DPP10: variants seen among roughly 807,000 people sequenced by gnomAD.
DPP10 encodes the protein dipeptidyl peptidase like 10.
A neutral mutation model predicts 120.9 loss-of-function variants in DPP10; 33 were observed. That is an observed-to-expected ratio of 0.27 (90% CI 0.21 to 0.37). The LOEUF (loss-of-function observed/expected upper bound fraction) is 0.37, where lower values mean the gene tolerates loss of function less well. Ranked by LOEUF, DPP10 falls within the 10% of genes least tolerant of loss-of-function variation. DPP10 has a pLI of 1.00. For missense variants in DPP10, 816 were observed against 942.8 expected (o/e 0.87, Z 1.76); for synonymous variants, 337 against 326.1 (o/e 1.03, Z -0.36).
intron 1 of DPP10, among the ~76,000 whole-genome samples, chr2:115,002,036 A>G (rs1194191085): frequency 6.6e-6 from 1 of 152,216 alleles, no homozygotes; most frequent in East Asian, 1.9e-4. Context: ...AAACTATTTT[A>G]AAATTCATAT....
chr2:114,866,116 T>TAAATAAATAAATAAATAAAA (rs1345366592), intron 1 of DPP10, among the ~76,000 whole-genome samples: 1 of 140,216 alleles, frequency 7.1e-6, no homozygotes, highest in African/African-American at 3.0e-5. Context: ...GTCTCAAAAA[T>TAAATAAATAAATAAATAAAA]AAATAAATAA....
In DPP10 at chr2:115,727,919, C is replaced by G. The variant is rs765864216; in HGVS notation, c.680C>G (p.Ala227Gly). Residue 227 changes from alanine to glycine, a missense_variant, in exon 8 of 26, where the codon GCT becomes GGT. By Grantham distance (60) the Ala-to-Gly change is moderately conservative. This residue lies in a region of DPP10 where 42 missense variants were observed against 86.4 expected (regional missense o/e 0.49). Transcript: ENST00000410059. ...GKEEIIFNGI[A>G]DWLYEEELLH... ...GAAGAAATAATTTTTAATGGGATTG[C>G]TGACTGGTTATATGAAGGTGAGTTG... is the stretch of plus-strand genomic sequence containing the variant. 1.2e-6 allele frequency: 2 copies of G among 1,605,696 alleles called. No individual in the cohort carries two copies. The highest frequency in any genetic ancestry group is 2.2e-5 in the South Asian group (2 of 89,584).
chr2:115,007,053 G>A (rs540066642), intron 1 of DPP10, among the ~76,000 whole-genome samples: 2 of 151,962 alleles, frequency 1.3e-5, no homozygotes, highest in African/African-American at 2.4e-5. Flanking sequence ...TAGAACTCAG[G>A]ATTAAGAATC....
chr2:115,702,653 T>C (rs1276237026), intron 7 of DPP10, among the ~76,000 whole-genome samples: 2 of 152,006 alleles, frequency 1.3e-5, no homozygotes, highest in African/African-American at 4.8e-5. Flanking sequence ...AATGAGGAAG[T>C]TTGCAGGACA....
intron 3 of DPP10, among the ~76,000 whole-genome samples, chr2:115,419,974 C>A (rs1356249367): frequency 6.6e-6 from 1 of 152,048 alleles, no homozygotes; most frequent in Non-Finnish European, 1.5e-5. Flanking sequence ...AGATGACTTA[C>A]ATTATCCTTA....
At chr2:114,965,351 G>T (rs778137210) in intron 1 of DPP10, among the ~76,000 whole-genome samples, 2 of 151,970 alleles carry the variant, frequency 1.3e-5, no homozygotes, top group Non-Finnish European at 2.9e-5. Flanking sequence ...TGGCCAGGAT[G>T]GTCTCAAACT....
rs556806991 is a variant in DPP10 at position 115,359,281 on chromosome 2, A to T, written c.271+15369A>T. Among the ~76,000 whole-genome samples, 14 of 152,238 alleles carry T rather than the reference A, an allele frequency of 9.2e-5. No individual in the cohort carries two copies. The South Asian group carries it at 2.3e-3, about 25-fold the overall frequency. ...GTGGAGGCAGGTATTGTTCATTTGC[A>T]GGTTTAGAACTCCCTTAAAGACCTC... On this transcript the variant is annotated intron_variant, in intron 3 of 25. Transcript: ENST00000410059.
At chr2:115,458,063 G>T (rs1191927439) in intron 3 of DPP10, among the ~76,000 whole-genome samples, 1 of 151,998 alleles carries the variant, frequency 6.6e-6, no homozygotes, top group Admixed American at 6.6e-5. Flanking sequence ...ACTGCGTATT[G>T]TATGATTCCA....
intron 3 of DPP10, among the ~76,000 whole-genome samples, chr2:115,410,440 G>A (rs947763000): frequency 6.6e-6 from 1 of 152,252 alleles, no homozygotes; most frequent in Admixed American, 6.5e-5. Context: ...AGAACACATG[G>A]ACACAGGGAG....
intron 1 of DPP10, among the ~76,000 whole-genome samples, chr2:115,189,168 C>G (rs1312889911): frequency 2.0e-5 from 3 of 152,146 alleles, no homozygotes; most frequent in African/African-American, 7.2e-5. Flanking sequence ...CAAGAGCACC[C>G]CTGAACAAGG....
chr2:115,689,984 T>C, intron 7 of DPP10, 63 bp downstream of exon 7: 25 of 1,512,654 alleles, frequency 1.7e-5, no homozygotes, highest in Non-Finnish European at 2.2e-5. Flanking sequence ...AGATGTTAAC[T>C]GAAACTTTGG....
At chr2:114,821,052 A>G (rs1558775166) in intron 1 of DPP10, among the ~76,000 whole-genome samples, 1 of 152,208 alleles carries the variant, frequency 6.6e-6, no homozygotes, top group African/African-American at 2.4e-5. Context: ...ACACAGACAG[A>G]GGGAGGGGGC....
At chr2:115,477,136 A>G (rs529687909) in intron 3 of DPP10, among the ~76,000 whole-genome samples, 26 of 152,276 alleles carry the variant, frequency 1.7e-4, no homozygotes, top group South Asian at 8.3e-4. Flanking sequence ...TGCCACTTCT[A>G]TTCAACATAG....
Position 115,617,285 on chromosome 2 carries a change from T to TA in DPP10, c.442-72401dup, listed in dbSNP as rs1463813995. Among the ~76,000 whole-genome samples, 3 of 121,158 alleles carry TA rather than the reference T, an allele frequency of 2.5e-5. No individual in the cohort carries two copies. The East Asian group carries it at 6.8e-4, about 27-fold the overall frequency. The allele number at this position is 121,158 out of a possible 152,430, so 79.5% of individuals were successfully genotyped here. A position where few individuals can be genotyped will look rare whatever the true frequency, so the allele number is the denominator to read the frequency against. On this transcript the variant is annotated intron_variant, in intron 5 of 25. Coordinates refer to ENST00000410059, the MANE Select transcript of DPP10 (RefSeq NM_020868.6). Reference sequence around the variant, plus strand: ...TATATATATTTTTTATATATATATATATATACACACATAGCATATATGTAT... The same window carrying TA: ...TATATATATTTTTTATATATATATATAATATACACACATAGCATATATGTAT...
intron 2 of DPP10, among the ~76,000 whole-genome samples, chr2:115,322,268 A>G (rs1186500466): frequency 2.6e-5 from 4 of 152,084 alleles, no homozygotes; most frequent in African/African-American, 4.8e-5. Flanking sequence ...AAAAATCACT[A>G]TTATTCACCA....
Position 114,523,034 on chromosome 2 carries a change from G to A in DPP10, c.60+80196G>A, listed in dbSNP as rs564889131. On this transcript the variant is annotated intron_variant, in intron 1 of 25. Coordinates refer to ENST00000410059, the MANE Select transcript of DPP10 (RefSeq NM_020868.6). ...CCAAACCATATTGGGGGTGTCTTAG[G>A]TTAGGTTCTCTCGAAACAGATCCTG... Among the ~76,000 whole-genome samples the A allele has an allele frequency of 1.6e-4, 24 of 152,306 alleles. No individual in the cohort carries two copies. The South Asian group carries it at 4.4e-3, about 28-fold the overall frequency.
At chr2:115,359,820 T>A (rs550511162) in intron 3 of DPP10, among the ~76,000 whole-genome samples, 124 of 152,282 alleles carry the variant, frequency 8.1e-4, no homozygotes, top group African/African-American at 1.3e-3. Flanking sequence ...AAATTTTTTT[T>A]AATTTATATT....
chr2:115,799,106 A>G (rs1361649053), intron 19 of DPP10, among the ~76,000 whole-genome samples: 3 of 152,054 alleles, frequency 2.0e-5, no homozygotes, highest in African/African-American at 4.8e-5. Context: ...ATATATTGCT[A>G]AGACTTTTTC....
At chr2:115,333,280 A>T (rs1286778864) in intron 2 of DPP10, among the ~76,000 whole-genome samples, 1 of 152,008 alleles carries the variant, frequency 6.6e-6, no homozygotes, top group African/African-American at 2.4e-5. Flanking sequence ...TGCTTGGTAG[A>T]TCTTCCTCCA....
Sources: gnomAD v4.1 joint callset for allele counts (sites outside exome capture counted in the v4.1 genomes callset) on GRCh38, gnomAD v4.1.1 for gene constraint, gnomAD v4.1.1 regional missense constraint, MANE v1.5 for transcripts, NCBI Gene and HGNC (gene_info 2026-07-23, HGNC 2026-07-21) for gene names.